PTPRT: variants seen among roughly 807,000 people sequenced by gnomAD.
The protein encoded by PTPRT is receptor-type tyrosine-protein phosphatase T.
In PTPRT, 56 loss-of-function variants were observed where a neutral mutation model predicts 176.8. That is an observed-to-expected ratio of 0.32 (90% CI 0.26 to 0.40). The LOEUF is 0.40. Among genes scored for constraint, PTPRT ranks in the 10% least tolerant of loss-of-function variants. The probability of loss-of-function intolerance (pLI) is 1.00; values close to 1 mark genes in which losing one functional copy is unlikely to be tolerated. For missense variants in PTPRT, 1,540 were observed against 1,908.2 expected (o/e 0.81, Z 3.60); for synonymous variants, 783 against 739.0 (o/e 1.06, Z -0.96).
rs73099972 is a variant in PTPRT at position 42,853,992 on chromosome 20, A to G, written c.214+31815T>C. Among the ~76,000 whole-genome samples the G allele has an allele frequency of 4.7e-3, 710 of 152,296 alleles. 5 individuals are homozygous for G. The highest frequency in any genetic ancestry group is 8.2e-3 in the Non-Finnish European group (556 of 68,034). On this transcript the variant is annotated intron_variant, in intron 2 of 30. Coordinates refer to ENST00000373187, the MANE Select transcript of PTPRT (RefSeq NM_007050.6). ...TGTACCACCCATTATCAAATCACATATATGTCTAGATCTGTGTCAACAAAT... is the reference window on the plus strand; with the variant it reads ...TGTACCACCCATTATCAAATCACATGTATGTCTAGATCTGTGTCAACAAAT...
intron 14 of PTPRT, among the ~76,000 whole-genome samples, chr20:42,241,675 T>C (rs1027964977): frequency 6.6e-6 from 1 of 152,054 alleles, no homozygotes; most frequent in Non-Finnish European, 1.5e-5. Context: ...AATGTGAATG[T>C]ATTGAAGAAG....
intron 9 of PTPRT, among the ~76,000 whole-genome samples, chr20:42,365,680 G>GA (rs1014223216): frequency 7.9e-5 from 12 of 152,072 alleles, no homozygotes; most frequent in East Asian, 3.9e-4. Context: ...TTAAAATCAT[G>GA]AAAAAATCTC....
intron 2 of PTPRT, among the ~76,000 whole-genome samples, chr20:42,792,945 G>T (rs2077398461): frequency 6.6e-6 from 1 of 152,174 alleles, no homozygotes; most frequent in Admixed American, 6.5e-5. Context: ...TATTCACAAA[G>T]TAACTTGGAC....
At chr20:42,514,182 T>A (rs2072016564) in intron 7 of PTPRT, among the ~76,000 whole-genome samples, 1 of 152,228 alleles carries the variant, frequency 6.6e-6, no homozygotes, top group Non-Finnish European at 1.5e-5. Context: ...TATATTCATC[T>A]TTTGCTTTAT....
At chr20:43,083,346 A>G (rs1038262550) in intron 1 of PTPRT, among the ~76,000 whole-genome samples, 50 of 121,498 alleles carry the variant, frequency 4.1e-4, no homozygotes, top group African/African-American at 8.1e-4. Context: ...ATATATATAT[A>G]TATATATATA....
At chr20:42,536,122 G>A (rs2072472405) in intron 7 of PTPRT, among the ~76,000 whole-genome samples, 1 of 151,966 alleles carries the variant, frequency 6.6e-6, no homozygotes, top group Admixed American at 6.6e-5. Context: ...GCTCTGCCAG[G>A]GACAGAAACT....
chr20:42,820,808 T>G (rs2077879660), intron 2 of PTPRT, among the ~76,000 whole-genome samples: 1 of 151,910 alleles, frequency 6.6e-6, no homozygotes, highest in Non-Finnish European at 1.5e-5. Context: ...AACTAGAAAA[T>G]CTAGAAGAAA....
chr20:42,394,376 T>G (rs1033664058), intron 9 of PTPRT, among the ~76,000 whole-genome samples: 11 of 152,280 alleles, frequency 7.2e-5, no homozygotes, highest in African/African-American at 2.4e-4. Context: ...CAATGAAACG[T>G]GAGCAGAAAT....
At chr20:42,414,831 G>A (rs1178331222) in intron 9 of PTPRT, among the ~76,000 whole-genome samples, 1 of 152,164 alleles carries the variant, frequency 6.6e-6, no homozygotes, top group East Asian at 1.9e-4. Flanking sequence ...TAAATTCAAT[G>A]CAGATAGAAT....
the PTPRT span, among the ~76,000 whole-genome samples, chr20:42,065,877 T>C: frequency 1.3e-5 from 2 of 152,164 alleles, no homozygotes; most frequent in Non-Finnish European, 2.9e-5. Flanking sequence ...ATTAATAGCT[T>C]ATTGAGGCCA....
At chr20:42,319,617 C>A (rs1054439736) in intron 11 of PTPRT, among the ~76,000 whole-genome samples, 44 of 152,290 alleles carry the variant, frequency 2.9e-4, no homozygotes, top group African/African-American at 9.6e-4. Context: ...TCTCAAAGAC[C>A]ACAGAACTCT....
At chr20:43,184,556 G>A (rs551266892) in intron 1 of PTPRT, among the ~76,000 whole-genome samples, 7 of 152,162 alleles carry the variant, frequency 4.6e-5, no homozygotes, top group South Asian at 4.2e-4. Context: ...GCATGGTGGC[G>A]TGCACCTATG....
At chr20:42,980,021 A>T (rs558878231) in intron 1 of PTPRT, among the ~76,000 whole-genome samples, 7 of 152,006 alleles carry the variant, frequency 4.6e-5, no homozygotes, top group African/African-American at 1.7e-4. Flanking sequence ...GAAAGCAATT[A>T]AAATTCACAT....
intron 1 of PTPRT, among the ~76,000 whole-genome samples, chr20:43,050,678 T>A (rs1987007886): frequency 6.6e-6 from 1 of 152,228 alleles, no homozygotes; most frequent in Non-Finnish European, 1.5e-5. Context: ...CTGAGCCTCA[T>A]CTGAAACATG....
At chr20:43,036,250 G>C (rs2146205172) in intron 1 of PTPRT, among the ~76,000 whole-genome samples, 1 of 152,252 alleles carries the variant, frequency 6.6e-6, no homozygotes, top group South Asian at 2.1e-4. Flanking sequence ...GTGTCTCACT[G>C]TGTATCACTG....
At chr20:42,053,685 T>C in the PTPRT span, among the ~76,000 whole-genome samples, 1 of 152,350 alleles carries the variant, frequency 6.6e-6, no homozygotes, top group South Asian at 2.1e-4. Flanking sequence ...CACATGTCTC[T>C]GAAAAATCCA....
chr20:42,473,097 G>A (rs1419619934), intron 7 of PTPRT, among the ~76,000 whole-genome samples: 2 of 152,100 alleles, frequency 1.3e-5, no homozygotes, highest in African/African-American at 4.8e-5. Context: ...CGTTCATCAT[G>A]ACCCATTAAC....
chr20:42,882,829 T>C (rs1332660104), intron 2 of PTPRT, among the ~76,000 whole-genome samples: 1 of 152,154 alleles, frequency 6.6e-6, no homozygotes, highest in Non-Finnish European at 1.5e-5. Flanking sequence ...AAGTGCAAGG[T>C]GCAACGGGAA....
chr20:42,883,194 C>T lies in PTPRT; in HGVS notation c.214+2613G>A, dbSNP rs565887368. On this transcript the variant is annotated intron_variant, in intron 2 of 30. Coordinates refer to ENST00000373187, the MANE Select transcript of PTPRT (RefSeq NM_007050.6). The stretch of plus-strand genomic sequence containing the variant: ...TGCTTATATTCTAGAATAATCTCTT[C>T]GACATCTGTTTGGAGAATGGATTAA... 4.6e-5 allele frequency among the ~76,000 whole-genome samples: 7 copies of T among 152,226 alleles called. No individual in the cohort carries two copies. In the South Asian group the frequency reaches 8.3e-4, roughly 18 times the overall value.
Sources: gnomAD v4.1 joint callset for allele counts (sites outside exome capture counted in the v4.1 genomes callset) on GRCh38, gnomAD v4.1.1 for gene constraint, MANE v1.5 for transcripts, NCBI Gene and HGNC (gene_info 2026-07-23, HGNC 2026-07-21) for gene names.